Variants in CNBD1 observed in about 807,000 individuals in gnomAD.
CNBD1 encodes the protein cyclic nucleotide binding domain containing 1.
Under a neutral mutation model 54.4 loss-of-function variants are expected in CNBD1, and 71 were observed. The ratio of observed to expected loss-of-function variants is 1.30; its 90% confidence interval spans 1.08 to 1.59. The LOEUF (loss-of-function observed/expected upper bound fraction) is 1.59, where lower values mean the gene tolerates loss of function less well. Among genes scored for constraint, CNBD1 ranks in the 40% most tolerant of loss-of-function variants. The probability of loss-of-function intolerance (pLI) is 0.00; values close to 1 mark genes in which losing one functional copy is unlikely to be tolerated. For missense variants in CNBD1, 659 were observed against 518.0 expected (o/e 1.27, Z -2.64); for synonymous variants, 182 against 170.7 (o/e 1.07, Z -0.51).
chr8:87,163,600 C>CT lies in CNBD1; in HGVS notation c.432-42386dup, dbSNP rs755933799. Among the ~76,000 whole-genome samples the CT allele has an allele frequency of 6.6e-6, 1 of 151,268 alleles. No individual in the cohort carries two copies. Among genetic ancestry groups the CT allele is most frequent in the Admixed American group, 6.6e-5 (1 of 15,138 alleles). On this transcript the variant is annotated intron_variant, in intron 4 of 10. Transcript: ENST00000518476. This position sits in a 1 kb window ranked among gnomAD's most constrained non-coding sequence, Gnocchi z 4.5. ...TTGTAATTGACATTTTTTAAAATTT[C>CT]TTTTTTTCAGATATTTTGTTAGTGT...
chr8:87,393,671 A>G (rs772130844), intron 2 of CNBD1, among the ~76,000 whole-genome samples: 2 of 151,922 alleles, frequency 1.3e-5, no homozygotes, highest in African/African-American at 4.8e-5. Flanking sequence ...TGTGCAATAG[A>G]CTAGTGAAAG....
At chr8:86,868,158 C>T (rs143829726) in intron 1 of CNBD1, among the ~76,000 whole-genome samples, 25 of 152,154 alleles carry the variant, frequency 1.6e-4, no homozygotes, top group African/African-American at 5.8e-4. Context: ...AATGACTGAA[C>T]CTGAATTACA....
At chr8:87,322,111 T>G (rs1190746609) in intron 8 of CNBD1, among the ~76,000 whole-genome samples, 1 of 122,080 alleles carries the variant, frequency 8.2e-6, no homozygotes, top group African/African-American at 3.3e-5. Context: ...GTTTAATCCA[T>G]GTCCCTACAA....
intron 8 of CNBD1, among the ~76,000 whole-genome samples, chr8:87,300,878 T>A (rs1455189134): frequency 6.6e-6 from 1 of 152,124 alleles, no homozygotes; most frequent in Admixed American, 6.6e-5. Flanking sequence ...ACTAAAAATT[T>A]CTTTTGTACA....
At chr8:87,063,391 T>A (rs908165036) in intron 4 of CNBD1, among the ~76,000 whole-genome samples, 1 of 152,172 alleles carries the variant, frequency 6.6e-6, no homozygotes, top group Admixed American at 6.6e-5. Context: ...AGACCATGAA[T>A]TTTTCAATGC....
chr8:87,285,623 C>A (rs1341281580), intron 7 of CNBD1, among the ~76,000 whole-genome samples: 1 of 152,086 alleles, frequency 6.6e-6, no homozygotes, highest in Admixed American at 6.6e-5. Flanking sequence ...GTAATCCCAG[C>A]ACTTTAGGAG....
chr8:86,996,191 A>T (rs931282323), intron 4 of CNBD1, among the ~76,000 whole-genome samples: 11 of 151,864 alleles, frequency 7.2e-5, no homozygotes, highest in African/African-American at 2.7e-4. Context: ...ATTTTCTCCC[A>T]CCCTGGATCT....
intron 6 of CNBD1, among the ~76,000 whole-genome samples, chr8:87,259,962 AG>A (rs1346211762): frequency 5.3e-5 from 8 of 152,180 alleles, no homozygotes; most frequent in African/African-American, 1.9e-4. Flanking sequence ...GCTCGGAGAA[AG>A]GAAAATTTAA....
At chr8:87,171,459 C>G (rs886183327) in intron 4 of CNBD1, among the ~76,000 whole-genome samples, 1 of 150,940 alleles carries the variant, frequency 6.6e-6, no homozygotes, top group Non-Finnish European at 1.5e-5. Context: ...AAAAAAAAAC[C>G]AACTTTTTGT....
exon 3 of CNBD1, chr8:87,428,606 T>C (rs1357833640): frequency 2.2e-6 from 1 of 455,316 alleles, no homozygotes; most frequent in Non-Finnish European, 4.4e-6. Context: ...TTTGGCCATC[T>C]GACAGATGTA....
chr8:87,405,077 T>A (rs1015041509), intron 2 of CNBD1, among the ~76,000 whole-genome samples: 14 of 152,060 alleles, frequency 9.2e-5, no homozygotes, highest in African/African-American at 3.4e-4. Context: ...TCATTTTCAT[T>A]CATTTGGAAA....
In CNBD1 at chr8:87,419,465, CAAT is replaced by C. The variant is rs1302867600; in HGVS notation, c.214-9078_214-9076del. On this transcript the variant is annotated intron_variant, in intron 2 of 7. Coordinates refer to the CNBD1 transcript ENST00000521593. ...ATTGTGTGTATATCTTAATAAAAGA[CAAT>C]AAGAATGCATAAGATTTGGAGAAAA... Among the ~76,000 whole-genome samples, 3 of 151,734 alleles carry C rather than the reference CAAT, an allele frequency of 2.0e-5. No homozygotes were observed. In the East Asian group the frequency reaches 5.8e-4, roughly 29 times the overall value.
At chr8:87,382,064 G>A (rs1240467197) in intron 10 of CNBD1, among the ~76,000 whole-genome samples, 2 of 151,302 alleles carry the variant, frequency 1.3e-5, no homozygotes, top group African/African-American at 4.9e-5. Context: ...ACCACAGAGA[G>A]CCAGTCTATA....
chr8:87,374,092 C>A (rs578193070), intron 10 of CNBD1, among the ~76,000 whole-genome samples: 1 of 151,696 alleles, frequency 6.6e-6, no homozygotes, highest in South Asian at 2.1e-4. Flanking sequence ...AAATTCCTTA[C>A]AAAATAATTC....
chr8:87,281,753 TC>T lies in CNBD1; in HGVS notation c.772-2924del, dbSNP rs1808606678. ...TTTTAATAGATATTGCCAGATAATT[TC>T]TCATTTTTAAAGGTTTTTACAGTTT... On this transcript the variant is annotated intron_variant, in intron 6 of 10. Coordinates refer to ENST00000518476, the MANE Select transcript of CNBD1 (RefSeq NM_173538.3). Among the ~76,000 whole-genome samples the T allele has an allele frequency of 2.6e-5, 4 of 150,992 alleles. No individual in the cohort carries two copies. In the Admixed American group the frequency reaches 2.7e-4, roughly 10 times the overall value.
chr8:86,896,889 A>G (rs994672788), intron 2 of CNBD1, among the ~76,000 whole-genome samples: 1 of 152,216 alleles, frequency 6.6e-6, no homozygotes, highest in Non-Finnish European at 1.5e-5. Flanking sequence ...GAAAAATGGG[A>G]AATTGCTATG....
In CNBD1 at chr8:87,425,630, C is replaced by T. The variant is rs561790656; in HGVS notation, c.214-2916C>T. On this transcript the variant is annotated intron_variant, in intron 2 of 7. Coordinates refer to the CNBD1 transcript ENST00000521593. ...GAGGGTGCCTCCCAGTTAGGCTGCT[C>T]GGGGGTCAGGGGTCAGGGACCCACT... Among the ~76,000 whole-genome samples the T allele has an allele frequency of 1.6e-3, 237 of 152,116 alleles. 9 individuals are homozygous for T. The highest frequency in any genetic ancestry group is 0.013 in the Admixed American group (201 of 15,280).
chr8:87,253,263 C>G (rs560534131), intron 6 of CNBD1, among the ~76,000 whole-genome samples: 1 of 152,194 alleles, frequency 6.6e-6, no homozygotes, highest in African/African-American at 2.4e-5. Flanking sequence ...GCTCTTCTGC[C>G]TTCTGGCTTG....
At chr8:86,953,985 C>T (rs901627857) in intron 4 of CNBD1, among the ~76,000 whole-genome samples, 6 of 152,162 alleles carry the variant, frequency 3.9e-5, no homozygotes, top group Admixed American at 6.5e-5. Context: ...AAGACAATTT[C>T]GAAGCTTTAT....
Sources: gnomAD v4.1 joint callset for allele counts (sites outside exome capture counted in the v4.1 genomes callset) on GRCh38, gnomAD v4.1.1 for gene constraint, Gnocchi (gnomAD v3.1) non-coding constraint, MANE v1.5 for transcripts, NCBI Gene and HGNC (gene_info 2026-07-23, HGNC 2026-07-21) for gene names.